The following AOX1 variants were observed in gnomAD, a reference collection of about 807,000 sequenced individuals.
AOX1 encodes aldehyde oxidase 1, also known as aldehyde oxidase.
In AOX1, 153 loss-of-function variants were observed where a neutral mutation model predicts 169.5. The ratio of observed to expected loss-of-function variants is 0.90; its 90% confidence interval spans 0.79 to 1.03. The LOEUF (loss-of-function observed/expected upper bound fraction) is 1.03. AOX1 is among the 50% of genes least tolerant of loss of function. AOX1 has a pLI of 0.00. For synonymous variants in AOX1, 562 were observed against 581.9 expected, an observed-to-expected ratio of 0.97 and a Z score of 0.49; for missense variants, 1,656 against 1,663.9, an observed-to-expected ratio of 1.00 and a Z score of 0.08.
chr2:200,651,628 G>C (rs2035581450), intron 26 of AOX1, among the ~76,000 whole-genome samples: 1 of 152,050 alleles, frequency 6.6e-6, no homozygotes, highest in Admixed American at 6.5e-5. Context: ...CAAGGTTTTG[G>C]GTGCTCCACT....
chr2:200,621,272 A>G lies in AOX1; in HGVS notation c.2001+26A>G, dbSNP rs774701517. The G allele has an allele frequency of 2.5e-6, 4 of 1,607,814 alleles. No individual in the cohort carries two copies. In the Admixed American group the frequency reaches 6.8e-5, roughly 28 times the overall value. ...GTACTGCATTTTTGCTTTCTATTTG[A>G]AAAATAACTTTCTCAGTTAACGGTG... On this transcript the variant is annotated intron_variant, in intron 18 of 34. Transcript: ENST00000374700.
chr2:200,658,089 G>A (rs2035731299), intron 27 of AOX1, among the ~76,000 whole-genome samples: 2 of 152,106 alleles, frequency 1.3e-5, no homozygotes, highest in East Asian at 1.9e-4. Context: ...GAATATTTTT[G>A]TACACTAACC....
At chr2:200,664,832 T>G (rs945575241) in intron 31 of AOX1, among the ~76,000 whole-genome samples, 1 of 152,232 alleles carries the variant, frequency 6.6e-6, no homozygotes, top group Non-Finnish European at 1.5e-5. Flanking sequence ...TACAACAAAT[T>G]ACCCCCAAAC....
At chr2:200,676,518 T>A (rs2036099427) in intron 4 of AOX1, among the ~76,000 whole-genome samples, 1 of 150,462 alleles carries the variant, frequency 6.6e-6, no homozygotes, top group Non-Finnish European at 1.5e-5. Context: ...GAGAATCACT[T>A]GAACCCAGGA....
intron 3 of AOX1, among the ~76,000 whole-genome samples, chr2:200,597,190 G>T (rs1004514570): frequency 6.6e-6 from 1 of 152,138 alleles, no homozygotes; most frequent in African/African-American, 2.4e-5. Context: ...TGACACTCTG[G>T]CTGTGACCCT....
intron 15 of AOX1, among the ~76,000 whole-genome samples, chr2:200,614,722 A>G (rs1159887476): frequency 1.3e-5 from 2 of 152,200 alleles, no homozygotes; most frequent in Non-Finnish European, 2.9e-5. Context: ...TAGTATGGTC[A>G]CTTTAAATAG....
At chr2:200,643,511 A>G (rs957276273) in intron 25 of AOX1, among the ~76,000 whole-genome samples, 2 of 152,156 alleles carry the variant, frequency 1.3e-5, no homozygotes, top group Admixed American at 1.3e-4. Context: ...TTGTGCTACT[A>G]TAAACATGCA....
chr2:200,604,675 T>C (rs1348788396), intron 8 of AOX1, 21 bp from the exon 9 acceptor site: 3 of 1,613,766 alleles, frequency 1.9e-6, no homozygotes, highest in Non-Finnish European at 2.5e-6. Context: ...GTACCTTGAA[T>C]CCCTATTGCT....
intron 19 of AOX1, 80 bp from the exon 20 acceptor site, chr2:200,627,273 G>T: frequency 3.4e-6 from 3 of 873,864 alleles, no homozygotes; most frequent in Non-Finnish European, 3.8e-6. Context: ...CCTGCTCAGA[G>T]GATGTGCAGT....
intron 26 of AOX1, among the ~76,000 whole-genome samples, chr2:200,653,298 C>G (rs2035618002): frequency 6.6e-6 from 1 of 152,194 alleles, no homozygotes; most frequent in South Asian, 2.1e-4. Flanking sequence ...AGGGCTGAAT[C>G]AAGGAGTTTG....
intron 1 of AOX1, 95 bp from the exon 2 acceptor site, chr2:200,593,051 T>G (rs1390697228): frequency 1.1e-6 from 1 of 936,564 alleles, no homozygotes; most frequent in African/African-American, 1.6e-5. Context: ...GTAAAAGGGC[T>G]AATTAACATG....
At chr2:200,605,655 A>G in intron 10 of AOX1, 27 bp downstream of exon 10, 6 of 1,169,054 alleles carry the variant, frequency 5.1e-6, no homozygotes, top group Non-Finnish European at 6.0e-6. Context: ...CTGTTTTCTT[A>G]GTTAAGATGC....
chr2:200,638,213 A>G lies in AOX1; in HGVS notation c.2481-2A>G. The G allele has an allele frequency of 6.2e-7, 1 of 1,613,214 alleles. No homozygotes were observed. Among genetic ancestry groups the G allele is most frequent in the Non-Finnish European group, 8.5e-7 (1 of 1,179,364 alleles). ...ACCTCACTTACTTTTTTTCTGTTTT[A>G]GACATGGCCGTGCAGTTCGCTGTGT... On this transcript the variant is annotated splice_acceptor_variant, in intron 22 of 34. Transcript: ENST00000374700. LOFTEE classifies it high-confidence loss of function.
At position 200,623,970 on chromosome 2, in the gene AOX1, T is replaced by C. The variant is rs1574931541; in HGVS notation, c.2111T>C (p.Ile704Thr). The C allele has an allele frequency of 6.2e-7, 1 of 1,613,994 alleles. No individual in the cohort carries two copies. The highest frequency in any genetic ancestry group is 8.5e-7 in the Non-Finnish European group (1 of 1,179,972). Residue 704 changes from isoleucine to threonine, a missense_variant, in exon 19 of 35, where the codon ATA becomes ACA. By Grantham distance (89) the Ile-to-Thr change is moderately conservative. Transcript: ENST00000374700. ...GTCTATCAAGACTTGGAGCCGCTGATACTAACAATTGAGGTAATGAGTTCT... is the reference window on the plus strand; with the variant it reads ...GTCTATCAAGACTTGGAGCCGCTGACACTAACAATTGAGGTAATGAGTTCT... ...KIVYQDLEPL[I>T]LTIEESIQHN...
At position 200,661,588 on chromosome 2, in the gene AOX1, G is replaced by C; in HGVS notation, c.3385G>C (p.Ala1129Pro). 6.2e-7 allele frequency: 1 copy of C among 1,613,324 alleles called. No individual in the cohort carries two copies. The highest frequency in any genetic ancestry group is 1.3e-5 in the African/African-American group (1 of 74,954). The change falls in exon 30 of 35, where the codon GCT (alanine) becomes CCT (proline). Residue 1129 changes from alanine to proline, a missense_variant. Ala to Pro is a conservative substitution (Grantham distance 27, BLOSUM62 -1). Transcript: ENST00000374700. ...KGTWKDWAQT[A>P]FDESINLSAV... The stretch of plus-strand genomic sequence containing the variant: ...TGCTCTTCCTTCACAGGCACAGACT[G>C]CTTTTGATGAAAGCATTAACCTTTC...
At chr2:200,621,269 T>C (rs1247841225) in intron 18 of AOX1, 23 bp downstream of exon 18, 1 of 1,607,480 alleles carries the variant, frequency 6.2e-7, no homozygotes, top group Non-Finnish European at 8.5e-7. Context: ...TGCTTTCTAT[T>C]TGAAAAATAA....
At chr2:200,628,706 A>T (rs2035053145) in intron 20 of AOX1, among the ~76,000 whole-genome samples, 1 of 152,144 alleles carries the variant, frequency 6.6e-6, no homozygotes, top group Non-Finnish European at 1.5e-5. Flanking sequence ...AGGTGAGTGG[A>T]TCACTTGAGG....
At chr2:200,598,195 G>C (rs2034329571) in intron 4 of AOX1, among the ~76,000 whole-genome samples, 2 of 151,816 alleles carry the variant, frequency 1.3e-5, no homozygotes, top group Admixed American at 1.3e-4. Flanking sequence ...GAAAGAGAAA[G>C]AAGAGCCATG....
chr2:200,613,554 G>A (rs1273897917), intron 14 of AOX1, among the ~76,000 whole-genome samples: 1 of 152,134 alleles, frequency 6.6e-6, no homozygotes, highest in Non-Finnish European at 1.5e-5. Flanking sequence ...GATTTTATAT[G>A]AGTTGTCATT....
Sources: allele counts gnomAD v4.1 joint callset (sites outside exome capture counted in the v4.1 genomes callset), GRCh38; gene constraint gnomAD v4.1.1; transcripts MANE v1.5; gene names NCBI Gene and HGNC (gene_info 2026-07-23, HGNC 2026-07-21).